SMC1B: variants seen among roughly 807,000 people sequenced by gnomAD.
SMC1B encodes structural maintenance of chromosomes protein 1B.
A neutral mutation model predicts 157.9 loss-of-function variants in SMC1B; 60 were observed. The ratio of observed to expected loss-of-function variants is 0.38; its 90% confidence interval spans 0.31 to 0.47. SMC1B has a LOEUF of 0.47. Among genes scored for constraint, SMC1B ranks in the 20% least tolerant of loss-of-function variants. The pLI, the probability that SMC1B is intolerant of heterozygous loss-of-function variation, is 0.99. For missense variants in SMC1B, 1,165 were observed against 1,426.2 expected (o/e 0.82, Z 2.95); for synonymous variants, 445 against 483.0 (o/e 0.92, Z 1.03).
At position 45,394,692 on chromosome 22, in the gene SMC1B, T is replaced by C. The variant is rs1329683620; in HGVS notation, c.1330A>G (p.Thr444Ala). Residue 444 changes from threonine (T) to alanine (A), a missense_variant, in exon 8 of 25, where the codon ACA becomes GCA. Physicochemically the swap from Thr to Ala is moderately conservative, Grantham distance 58 (BLOSUM62 0). Coordinates refer to ENST00000357450, the MANE Select transcript of SMC1B (RefSeq NM_148674.5). ...TTTTTTTACTCTACCTACATGCATG[T>C]CTTTGTATACTCCTCTAACTTCTCT... ...RIEKLEEYTK[T>A]CMDCLKEKKQ... The C allele has an allele frequency of 2.6e-6, 4 of 1,552,638 alleles. No homozygotes were observed. Among genetic ancestry groups the C allele is most frequent in the Non-Finnish European group, 3.5e-6 (4 of 1,145,588 alleles).
intron 12 of SMC1B, among the ~76,000 whole-genome samples, chr22:45,376,470 A>G (rs990317796): frequency 2.0e-5 from 3 of 152,190 alleles, no homozygotes; most frequent in African/African-American, 7.2e-5. Context: ...CCTTTTGGCT[A>G]TTGTGAATAA....
At chr22:45,346,183 C>T (rs1443510600) in intron 23 of SMC1B, among the ~76,000 whole-genome samples, 9 of 152,148 alleles carry the variant, frequency 5.9e-5, no homozygotes, top group South Asian at 2.1e-4. Context: ...CCAGGCTGGG[C>T]GACAGAGTGA....
chr22:45,359,784 T>C, intron 18 of SMC1B, 21 bp downstream of exon 18: 1 of 1,608,426 alleles, frequency 6.2e-7, no homozygotes, highest in South Asian at 1.1e-5. Flanking sequence ...GCACATATTT[T>C]ACAGTCATTT....
chr22:45,391,608 C>G (rs1309974650), intron 9 of SMC1B, among the ~76,000 whole-genome samples: 1 of 152,092 alleles, frequency 6.6e-6, no homozygotes, highest in East Asian at 1.9e-4. Context: ...TTATTAATTC[C>G]CTTTCTCACA....
At chr22:45,401,694 G>A (rs2087196080) in intron 5 of SMC1B, among the ~76,000 whole-genome samples, 1 of 152,230 alleles carries the variant, frequency 6.6e-6, no homozygotes, top group Non-Finnish European at 1.5e-5. Context: ...AAAACCGCCT[G>A]TACTTCACTG....
chr22:45,412,335 G>C (rs1392491491), intron 1 of SMC1B, among the ~76,000 whole-genome samples: 2 of 151,182 alleles, frequency 1.3e-5, no homozygotes, highest in Non-Finnish European at 2.9e-5. Flanking sequence ...TCAGTAGCCG[G>C]GATTACAGGT....
chr22:45,370,143 T>C (rs2086817329), intron 14 of SMC1B, 83 bp from the exon 15 acceptor site: 1 of 803,852 alleles, frequency 1.2e-6, no homozygotes, highest in Non-Finnish European at 1.8e-6. Context: ...CCTCCAAGAT[T>C]TTCCTGAATT....
intron 22 of SMC1B, among the ~76,000 whole-genome samples, chr22:45,351,149 T>TC (rs1378358671): frequency 1.3e-5 from 2 of 152,220 alleles, no homozygotes; most frequent in African/African-American, 4.8e-5. Context: ...CTGCTTTTTT[T>TC]CTCTATAGAA....
At chr22:45,412,821 G>A (rs1602106272) in intron 1 of SMC1B, among the ~76,000 whole-genome samples, 1 of 152,282 alleles carries the variant, frequency 6.6e-6, no homozygotes, top group East Asian at 1.9e-4. Flanking sequence ...AGTAAACTGG[G>A]TCATCATCAC....
chr22:45,365,011 G>A (rs5765291), intron 15 of SMC1B, among the ~76,000 whole-genome samples: 57,305 of 151,286 alleles, frequency 0.38, 13,438 homozygotes, highest in Non-Finnish European at 0.53. Context: ...CTAATTTTTT[G>A]TATTTTTAGT....
chr22:45,391,694 G>A (rs1057074509), intron 9 of SMC1B, among the ~76,000 whole-genome samples: 10 of 152,138 alleles, frequency 6.6e-5, no homozygotes, highest in Admixed American at 1.3e-4. Context: ...TTCTTGTAAG[G>A]GATTGGATGG....
At chr22:45,394,648 GA>G in intron 8 of SMC1B, 36 bp downstream of exon 8, 1 of 1,485,136 alleles carries the variant, frequency 6.7e-7, no homozygotes, top group Non-Finnish European at 9.0e-7. Context: ...AAAAATAAAA[GA>G]AAATTGCTGC....
At chr22:45,411,705 G>C (rs1474231489) in intron 1 of SMC1B, among the ~76,000 whole-genome samples, 1 of 152,004 alleles carries the variant, frequency 6.6e-6, no homozygotes, top group Non-Finnish European at 1.5e-5. Context: ...TCCTGCCTCA[G>C]TCCCCTGAGT....
At chr22:45,355,487 T>C (rs552548677) in intron 19 of SMC1B, among the ~76,000 whole-genome samples, 2 of 152,304 alleles carry the variant, frequency 1.3e-5, no homozygotes, top group Non-Finnish European at 2.9e-5. Context: ...ATAAACTGGA[T>C]TAAAAATTTT....
At chr22:45,351,921 A>C (rs1291033170) in intron 22 of SMC1B, among the ~76,000 whole-genome samples, 1 of 152,246 alleles carries the variant, frequency 6.6e-6, no homozygotes, top group Non-Finnish European at 1.5e-5. Flanking sequence ...TTATAGAAGA[A>C]ATACTTCAAC....
Position 45,354,032 on chromosome 22 carries a change from G to C in SMC1B, c.3219C>G (p.Val1073=). ...TGTAGATTTGATCAATTGAGATTGA[G>C]ACATGCTCAAAACACTGGGTGAAAA... ...YDLFTQCFEH[V]SISIDQIYKK... is the part of the protein sequence containing the mutation. Residue 1073 remains valine (V), a synonymous_variant, in exon 21 of 25, where the codon GTC becomes GTG. Transcript: ENST00000357450. 4 of 1,602,290 alleles carry C rather than the reference G, an allele frequency of 2.5e-6. No individual in the cohort carries two copies. Among genetic ancestry groups the C allele is most frequent in the Non-Finnish European group, 3.4e-6 (4 of 1,175,698 alleles).
intron 9 of SMC1B, among the ~76,000 whole-genome samples, chr22:45,391,969 T>G (rs758380814): frequency 6.6e-6 from 1 of 152,066 alleles, no homozygotes; most frequent in Non-Finnish European, 1.5e-5. Flanking sequence ...TTTGTTTTTG[T>G]TTTTTTGAAA....
At chr22:45,366,087 G>C (rs541600749) in intron 15 of SMC1B, among the ~76,000 whole-genome samples, 173 of 152,254 alleles carry the variant, frequency 1.1e-3, no homozygotes, top group African/African-American at 4.1e-3. Flanking sequence ...CTGGTGGAAC[G>C]ATCTTGGCTC....
At chr22:45,375,234 C>A (rs1277310034) in intron 12 of SMC1B, among the ~76,000 whole-genome samples, 3 of 152,150 alleles carry the variant, frequency 2.0e-5, no homozygotes, top group Admixed American at 6.5e-5. Context: ...GACCTGGAAG[C>A]CCCCTCTCTG....
Sources: gnomAD v4.1 joint callset for allele counts (sites outside exome capture counted in the v4.1 genomes callset) on GRCh38, gnomAD v4.1.1 for gene constraint, MANE v1.5 for transcripts, NCBI Gene and HGNC (gene_info 2026-07-23, HGNC 2026-07-21) for gene names.